The following DENND2B variants were observed in gnomAD, a reference collection of about 807,000 sequenced individuals.
DENND2B encodes the protein DENN domain containing 2B.
Under a neutral mutation model 116.0 loss-of-function variants are expected in DENND2B, and 32 were observed. That is an observed-to-expected ratio of 0.28 (90% confidence interval 0.21 to 0.37). The LOEUF (loss-of-function observed/expected upper bound fraction) is 0.37, where lower values mean the gene tolerates loss of function less well. DENND2B is among the 10% of genes least tolerant of loss of function. The probability of loss-of-function intolerance (pLI) is 1.00; values close to 1 mark genes in which losing one functional copy is unlikely to be tolerated. For missense variants in DENND2B, 1,276 were observed against 1,477.7 expected (o/e 0.86, Z 2.24); for synonymous variants, 588 against 583.9 (o/e 1.01, Z -0.10).
intron 1 of DENND2B, among the ~76,000 whole-genome samples, chr11:8,907,471 T>C (rs572434641): frequency 9.2e-5 from 14 of 152,284 alleles, no homozygotes; most frequent in African/African-American, 3.1e-4. Flanking sequence ...ATCTTTAAAA[T>C]TATAAATATG....
At chr11:8,879,346 T>G (rs1016382613) in intron 2 of DENND2B, among the ~76,000 whole-genome samples, 1 of 152,228 alleles carries the variant, frequency 6.6e-6, no homozygotes, top group Non-Finnish European at 1.5e-5. Flanking sequence ...CTGGCCATGC[T>G]GGATATGTAT....
At chr11:8,821,984 G>T (rs1036326912) in intron 4 of DENND2B, among the ~76,000 whole-genome samples, 2 of 152,122 alleles carry the variant, frequency 1.3e-5, no homozygotes, top group African/African-American at 4.8e-5. Flanking sequence ...TAGACAGGGG[G>T]TTTTGCCATG....
chr11:8,785,561 T>C (rs1474806618), intron 1 of DENND2B: 1 of 152,262 alleles, frequency 6.6e-6, no homozygotes, highest in Non-Finnish European at 1.5e-5. Flanking sequence ...TGATTTGTAA[T>C]GTGGGCTTCA....
chr11:8,712,123 C>A lies in DENND2B; in HGVS notation c.2172+428G>T. The A allele has an allele frequency of 2.5e-6, 1 of 393,656 alleles. No homozygotes were observed. Among genetic ancestry groups the A allele is most frequent in the Non-Finnish European group, 5.2e-6 (1 of 192,164 alleles). The allele number at this position is 393,656 out of a possible 1,614,324, so 24.4% of individuals were successfully genotyped here. A position where few individuals can be genotyped will look rare whatever the true frequency, so the allele number is the denominator to read the frequency against. On this transcript the variant is annotated intron_variant, in intron 9 of 19. Coordinates refer to ENST00000313726, the MANE Select transcript of DENND2B (RefSeq NM_213618.2). The surrounding 1 kb of genome is among the most constrained non-coding windows in gnomAD (Gnocchi z 4.4). ...GCTGGCTGGCGACAAGCAGGGAAGG[C>A]GGAGTGAGAGACAGGCTGGTGGGAG...
intron 1 of DENND2B, among the ~76,000 whole-genome samples, chr11:8,806,638 A>ACACACACACACACACACACACC (rs1017645452): frequency 4.8e-4 from 73 of 151,006 alleles, no homozygotes; most frequent in African/African-American, 4.9e-4. Flanking sequence ...ACACACACAC[A>ACACACACACACACACACACACC]CCCAGGAGAG....
chr11:8,860,146 T>C (rs2063344177), intron 2 of DENND2B, among the ~76,000 whole-genome samples: 1 of 152,146 alleles, frequency 6.6e-6, no homozygotes, highest in East Asian at 1.9e-4. Context: ...CTTCAACTAG[T>C]TACTATGAAT....
intron 1 of DENND2B, among the ~76,000 whole-genome samples, chr11:8,755,713 G>A (rs748699062): frequency 6.6e-6 from 1 of 152,126 alleles, no homozygotes. Flanking sequence ...GTCTCGAACT[G>A]CTGGTCTCAA....
At chr11:8,726,876 CAAAT>C in intron 3 of DENND2B, among the ~76,000 whole-genome samples, 1 of 152,330 alleles carries the variant, frequency 6.6e-6, no homozygotes, top group Non-Finnish European at 1.5e-5. Flanking sequence ...GCCCTTAAAA[CAAAT>C]AAGACCACTG....
intron 4 of DENND2B, among the ~76,000 whole-genome samples, chr11:8,824,754 T>C (rs969181390): frequency 6.6e-6 from 1 of 151,538 alleles, no homozygotes; most frequent in African/African-American, 2.4e-5. Context: ...AGTGGCACAA[T>C]CTCGGCTTGC....
intron 4 of DENND2B, among the ~76,000 whole-genome samples, chr11:8,816,555 A>AC (rs1256851225): frequency 6.6e-6 from 1 of 151,816 alleles, no homozygotes; most frequent in East Asian, 1.9e-4. Context: ...TGTCTCAAAA[A>AC]AAAAAAAAAA....
At position 8,715,639 on chromosome 11, in the gene DENND2B, C is replaced by T. The variant is rs1338195923; in HGVS notation, c.1809G>A (p.Glu603=). The stretch of plus-strand genomic sequence containing the variant: ...GGCGGGCCCGGCGGCTGGACAGCAG[C>T]TCGCTGGTGGTGCTGAGGCTGTCTT... ...LNEDSLSTTS[E]LLSSRRARRI... is the part of the protein sequence containing the mutation. The change falls in exon 6 of 20, where the codon GAG becomes GAA. Residue 603 remains glutamate (E), a synonymous_variant. Coordinates refer to ENST00000313726, the MANE Select transcript of DENND2B (RefSeq NM_213618.2). 7 of 1,613,726 alleles carry T rather than the reference C, an allele frequency of 4.3e-6. No individual in the cohort carries two copies. Among genetic ancestry groups the T allele is most frequent in the Non-Finnish European group, 5.9e-6 (7 of 1,179,760 alleles).
intron 1 of DENND2B, among the ~76,000 whole-genome samples, chr11:8,782,449 A>G (rs368924418): frequency 1.8e-4 from 28 of 152,332 alleles, no homozygotes; most frequent in African/African-American, 6.3e-4. Flanking sequence ...GCATGAGTAC[A>G]TATTTGTCAA....
intron 13 of DENND2B, chr11:8,703,455 C>G (rs1239311756): frequency 2.0e-5 from 3 of 152,428 alleles, no homozygotes; most frequent in African/African-American, 7.2e-5. Flanking sequence ...CTGGGGGAGT[C>G]ACAGGGGTGG....
intron 1 of DENND2B, chr11:8,774,262 C>T: frequency 1.0e-6 from 1 of 985,440 alleles, no homozygotes; most frequent in Non-Finnish European, 1.2e-6. Context: ...CAGTCTCTTC[C>T]AGAAACGGCA....
intron 2 of DENND2B, among the ~76,000 whole-genome samples, chr11:8,748,814 T>C (rs1435314411): frequency 6.6e-6 from 1 of 152,084 alleles, no homozygotes; most frequent in Non-Finnish European, 1.5e-5. Flanking sequence ...TAGAAGTAAG[T>C]AGGCATTTAC....
chr11:8,698,785 A>G, intron 16 of DENND2B, 148 bp downstream of exon 16: 1 of 933,140 alleles, frequency 1.1e-6, no homozygotes. Flanking sequence ...AAGGATTCCA[A>G]GACCAGCTTC....
chr11:8,890,694 A>T (rs2064020678), intron 1 of DENND2B, among the ~76,000 whole-genome samples: 1 of 152,230 alleles, frequency 6.6e-6, no homozygotes, highest in African/African-American at 2.4e-5. Context: ...TTAGAGAAAA[A>T]AGAGTAAAAA....
At chr11:8,753,353 T>C (rs191945921) in intron 1 of DENND2B, among the ~76,000 whole-genome samples, 1 of 151,838 alleles carries the variant, frequency 6.6e-6, no homozygotes, top group East Asian at 1.9e-4. Context: ...CACTTAGAAA[T>C]AAATAAAAGG....
Position 8,804,547 on chromosome 11 carries a change from C to T in DENND2B, c.-26+5970G>A, listed in dbSNP as rs200160254. ...ACGAGATGCAAAATAGCAGCTACTT[C>T]TTTTTTTTTTTTTTTGAGACGAAGT... is the stretch of plus-strand genomic sequence containing the variant. On this transcript the variant is annotated intron_variant, in intron 1 of 19. Transcript: ENST00000313726. 1.2e-4 allele frequency among the ~76,000 whole-genome samples: 15 copies of T among 129,600 alleles called. No individual in the cohort carries two copies. In the East Asian group the frequency reaches 1.6e-3, roughly 14 times the overall value. The allele number at this position is 129,600 out of a possible 152,430, so 85.0% of individuals were successfully genotyped here. A position where few individuals can be genotyped will look rare whatever the true frequency, so the allele number is the denominator to read the frequency against.
Sources: allele counts gnomAD v4.1 joint callset (sites outside exome capture counted in the v4.1 genomes callset), GRCh38; gene constraint gnomAD v4.1.1; non-coding constraint Gnocchi (gnomAD v3.1); transcripts MANE v1.5; gene names NCBI Gene and HGNC (gene_info 2026-07-23, HGNC 2026-07-21).